DCLK2: variants seen among roughly 807,000 people sequenced by gnomAD.
The protein encoded by DCLK2 is doublecortin like kinase 2, also known as serine/threonine-protein kinase DCLK2.
DCLK2 carries 31 observed loss-of-function variants against 78.4 expected under a neutral mutation model. The observed-to-expected ratio is 0.40, with a 90% CI of 0.30 to 0.53. The LOEUF is 0.53. DCLK2 is among the 20% of genes least tolerant of loss of function. DCLK2 has a pLI of 0.61. For missense variants in DCLK2, 872 were observed against 973.7 expected (o/e 0.90, Z 1.39); for synonymous variants, 407 against 374.9 (o/e 1.09, Z -0.99).
At chr4:150,163,417 A>G (rs927546327) in intron 2 of DCLK2, among the ~76,000 whole-genome samples, 4 of 152,046 alleles carry the variant, frequency 2.6e-5, no homozygotes, top group African/African-American at 7.2e-5. Context: ...AAATAAATAA[A>G]TAAATAAATA....
chr4:150,246,454 C>T (rs569736852), intron 12 of DCLK2, among the ~76,000 whole-genome samples: 18 of 152,334 alleles, frequency 1.2e-4, no homozygotes, highest in Admixed American at 2.6e-4. Context: ...CAGGACACCA[C>T]GCTTGCCCTT....
chr4:150,126,234 A>G (rs1463993477), intron 2 of DCLK2, among the ~76,000 whole-genome samples: 1 of 152,244 alleles, frequency 6.6e-6, no homozygotes, highest in Non-Finnish European at 1.5e-5. Flanking sequence ...TAATTAATTC[A>G]TTCAGCTATT....
intron 2 of DCLK2, among the ~76,000 whole-genome samples, chr4:150,117,733 A>G (rs940473266): frequency 6.6e-6 from 1 of 152,136 alleles, no homozygotes; most frequent in African/African-American, 2.4e-5. Flanking sequence ...AGCACTGGGT[A>G]GGTGCTTATA....
At chr4:150,145,676 A>G (rs1734420222) in intron 2 of DCLK2, among the ~76,000 whole-genome samples, 1 of 152,186 alleles carries the variant, frequency 6.6e-6, no homozygotes, top group Admixed American at 6.5e-5. Context: ...CTCATGACAC[A>G]TTTAAGGAGG....
chr4:150,098,698 C>CTTTTTTT (rs59616581), intron 1 of DCLK2, among the ~76,000 whole-genome samples: 4 of 129,090 alleles, frequency 3.1e-5, no homozygotes, highest in Non-Finnish European at 3.2e-5. Context: ...TTTTCTTTTT[C>CTTTTTTT]TTTTTTTTTT....
chr4:150,133,907 A>G (rs748961078), intron 2 of DCLK2, among the ~76,000 whole-genome samples: 6 of 152,148 alleles, frequency 3.9e-5, no homozygotes, highest in African/African-American at 9.7e-5. Flanking sequence ...ATGCTTTTCA[A>G]GGAAACTCAT....
chr4:150,232,197 GT>G, intron 8 of DCLK2, 139 bp from the exon 9 acceptor site: 1 of 1,050,620 alleles, frequency 9.5e-7, no homozygotes, highest in Non-Finnish European at 1.4e-6. Flanking sequence ...ATTAGGTCAG[GT>G]TTAGTTGTCT....
rs774147910 is a variant in DCLK2 at position 150,256,231 on chromosome 4, G to A, written c.2285G>A (p.Arg762His). 10 of 1,527,162 alleles carry A rather than the reference G, an allele frequency of 6.5e-6. No individual in the cohort carries two copies. Among genetic ancestry groups the A allele is most frequent in the South Asian group, 4.9e-5 (4 of 82,142 alleles). The allele number at this position is 1,527,162 out of a possible 1,614,324, so 94.6% of individuals were successfully genotyped here. A position where few individuals can be genotyped will look rare whatever the true frequency, so the allele number is the denominator to read the frequency against. Residue 762 changes from arginine to histidine, a missense_variant, in exon 16 of 16, where the codon CGC becomes CAC. Physicochemically the swap from Arg to His is conservative, Grantham distance 29. Transcript: ENST00000296550. ...GGTGGTGAGCGGGCAGGAACCTGGC[G>A]CCGCCACCGAGACTGAGCCTCCTGC... Reference protein sequence around the residue: ...APGGERAGTWRRHRD With the variant: ...APGGERAGTWHRHRD
In DCLK2 at chr4:150,102,953, A is replaced by ATGTG. The variant is rs10598187; in HGVS notation, c.756+153_756+156dup. 26 of 662,794 alleles carry ATGTG rather than the reference A, an allele frequency of 3.9e-5. No homozygotes were observed. The South Asian group carries it at 5.8e-4, about 15-fold the overall frequency. 41.1% of individuals were successfully genotyped at this position (662,794 alleles called of 1,614,324 possible). A position where few individuals can be genotyped will look rare whatever the true frequency, so the allele number is the denominator to read the frequency against. ...TACTTGAGATTGTGTGTGTGTGTGTATGTGTGTGTGTGTGTATGTATGTAA... is the reference window on the plus strand; with the variant it reads ...TACTTGAGATTGTGTGTGTGTGTGTATGTGTGTGTGTGTGTGTGTATGTATGTAA... On this transcript the variant is annotated intron_variant, in intron 2 of 15. Coordinates refer to ENST00000296550, the MANE Select transcript of DCLK2 (RefSeq NM_001040260.4).
At chr4:150,120,416 A>G (rs1469502800) in intron 2 of DCLK2, among the ~76,000 whole-genome samples, 2 of 151,818 alleles carry the variant, frequency 1.3e-5, no homozygotes, top group Admixed American at 6.6e-5. Context: ...TTTCAACCTT[A>G]TTGTCATTGA....
chr4:150,152,888 A>G (rs1184128482), intron 2 of DCLK2, among the ~76,000 whole-genome samples: 1 of 151,714 alleles, frequency 6.6e-6, no homozygotes, highest in Non-Finnish European at 1.5e-5. Flanking sequence ...CAAGGCCAAT[A>G]TCATTCATTT....
intron 2 of DCLK2, among the ~76,000 whole-genome samples, chr4:150,145,465 A>G (rs1734404226): frequency 1.3e-5 from 2 of 152,214 alleles, no homozygotes; most frequent in African/African-American, 4.8e-5. Flanking sequence ...AACTGTTACT[A>G]CTTGAACACT....
intron 1 of DCLK2, among the ~76,000 whole-genome samples, chr4:150,101,560 C>T (rs2150152771): frequency 6.6e-6 from 1 of 152,038 alleles, no homozygotes; most frequent in Non-Finnish European, 1.5e-5. Flanking sequence ...GTATAACCCT[C>T]TTATCTTGTA....
intron 2 of DCLK2, among the ~76,000 whole-genome samples, chr4:150,192,227 TC>T (rs1417125038): frequency 6.6e-6 from 1 of 152,048 alleles, no homozygotes; most frequent in African/African-American, 2.4e-5. Context: ...ACACCTGTAA[TC>T]CCAGCACTTT....
chr4:150,134,662 C>T (rs1055226432), intron 2 of DCLK2, among the ~76,000 whole-genome samples: 3 of 152,062 alleles, frequency 2.0e-5, no homozygotes, highest in African/African-American at 4.8e-5. Context: ...CTAGGAAGCA[C>T]GTATAATTGC....
At chr4:150,096,970 C>G (rs1158379507) in intron 1 of DCLK2, among the ~76,000 whole-genome samples, 1 of 151,882 alleles carries the variant, frequency 6.6e-6, no homozygotes, top group African/African-American at 2.4e-5. Flanking sequence ...ATAAAGAGGG[C>G]TGGAGAGGAG....
chr4:150,174,114 A>C (rs1736762761), intron 2 of DCLK2, among the ~76,000 whole-genome samples: 1 of 152,180 alleles, frequency 6.6e-6, no homozygotes, highest in East Asian at 1.9e-4. Context: ...ACCACTACTC[A>C]GATAAAACTG....
At chr4:150,144,099 G>A (rs1180747486) in intron 2 of DCLK2, among the ~76,000 whole-genome samples, 9 of 151,994 alleles carry the variant, frequency 5.9e-5, no homozygotes, top group Admixed American at 2.0e-4. Flanking sequence ...TGGGGTGTTC[G>A]TCATAAATTC....
intron 1 of DCLK2, among the ~76,000 whole-genome samples, chr4:150,100,172 C>G (rs144285731): frequency 1.2e-3 from 186 of 152,322 alleles, no homozygotes; most frequent in African/African-American, 4.1e-3. Flanking sequence ...CTTGGCCTTC[C>G]AAAGTGCTGA....
Sources: gnomAD v4.1 joint callset for allele counts (sites outside exome capture counted in the v4.1 genomes callset) on GRCh38, gnomAD v4.1.1 for gene constraint, MANE v1.5 for transcripts, NCBI Gene and HGNC (gene_info 2026-07-23, HGNC 2026-07-21) for gene names.